Variants in FHAD1 observed in about 807,000 individuals in gnomAD.
The protein encoded by FHAD1 is forkhead-associated domain-containing protein 1.
Under a neutral mutation model 191.3 loss-of-function variants are expected in FHAD1, and 146 were observed. That is an observed-to-expected ratio of 0.76 (90% confidence interval 0.67 to 0.88). FHAD1 has a LOEUF of 0.88. Among genes scored for constraint, FHAD1 ranks in the 40% least tolerant of loss-of-function variants. FHAD1 has a pLI of 0.00. For synonymous variants in FHAD1, 616 were observed against 672.3 expected (o/e 0.92, Z 1.29); for missense variants, 1,635 against 1,785.8 (o/e 0.92, Z 1.52).
At chr1:15,362,525 G>A (rs1416666419) in intron 22 of FHAD1, 117 bp from the exon 23 acceptor site, 3 of 784,368 alleles carry the variant, frequency 3.8e-6, no homozygotes, top group African/African-American at 3.4e-5. Flanking sequence ...GTCTCACAAG[G>A]TGGAGAGGGC....
intron 23 of FHAD1, among the ~76,000 whole-genome samples, 187 bp downstream of exon 23, chr1:15,362,913 A>G (rs1177168079): frequency 2.0e-5 from 3 of 152,196 alleles, no homozygotes; most frequent in East Asian, 1.9e-4. Flanking sequence ...TCAGAAGCCA[A>G]ACAAGGAGCC....
At position 15,251,824 on chromosome 1, in the gene FHAD1, C is replaced by T. The variant is rs899696936; in HGVS notation, c.40C>T (p.Leu14=). The T allele has an allele frequency of 1.3e-6, 2 of 1,551,950 alleles. No individual in the cohort carries two copies. Among genetic ancestry groups the T allele is most frequent in the Admixed American group, 2.0e-5 (1 of 50,960 alleles). ...AAAGAGCGCAGAAGGCTTTTTTGTC[C>T]TAAATAAAAGTACCACAATTGGAAG... ...YLKSAEGFFV[L]NKSTTIGRHE... The change falls in exon 2 of 34, where the codon CTA becomes TTA. Residue 14 remains leucine, a synonymous_variant. Coordinates refer to ENST00000688493, the MANE Select transcript of FHAD1 (RefSeq NM_001391957.1).
chr1:15,293,435 T>C lies in FHAD1; in HGVS notation c.569-3249T>C, dbSNP rs146793426. 7.8e-3 allele frequency among the ~76,000 whole-genome samples: 1,180 copies of C among 152,256 alleles called. 16 individuals are homozygous for C. The highest frequency in any genetic ancestry group is 0.026 in the African/African-American group (1,084 of 41,552). ...GCTGTATGTCTTACAAGTTGTTCCT[T>C]GTGGCCAGGCGCGGTGGCTCATGCC... On this transcript the variant is annotated intron_variant, in intron 4 of 33. Transcript: ENST00000688493.
intron 2 of FHAD1, among the ~76,000 whole-genome samples, chr1:15,252,144 C>T (rs1646860396): frequency 6.6e-6 from 1 of 152,200 alleles, no homozygotes; most frequent in Non-Finnish European, 1.5e-5. Context: ...CATTGCAGAG[C>T]AGATGAGCCC....
intron 2 of FHAD1, among the ~76,000 whole-genome samples, chr1:15,253,955 T>G (rs1389353368): frequency 6.6e-6 from 1 of 152,152 alleles, no homozygotes; most frequent in Non-Finnish European, 1.5e-5. Flanking sequence ...TTTATAGATG[T>G]TCTTTATCAA....
Position 15,329,471 on chromosome 1 carries a change from G to C in FHAD1, c.1836G>C (p.Ala612=), listed in dbSNP as rs764659176. 1 of 1,551,218 alleles carries C rather than the reference G, an allele frequency of 6.4e-7. No individual in the cohort carries two copies. The highest frequency in any genetic ancestry group is 2.0e-5 in the Admixed American group (1 of 51,000). ...QKVVLDVLRH[A]LSWLEEVEQL... is the part of the protein sequence containing the mutation. ...TGGTGCTGGACGTCCTGAGGCACGC[G>C]CTGTCCTGGCTGGAGGAGGTGGAGC... The change falls in exon 14 of 34, where the codon GCG becomes GCC. Residue 612 remains alanine, a synonymous_variant. Coordinates refer to ENST00000688493, the MANE Select transcript of FHAD1 (RefSeq NM_001391957.1). The surrounding 1 kb of genome is among the most constrained non-coding windows in gnomAD (Gnocchi z 5.0).
chr1:15,312,973 G>T lies in FHAD1; in HGVS notation c.1040-84G>T, dbSNP rs1455065583. 1 of 1,508,560 alleles carries T rather than the reference G, an allele frequency of 6.6e-7. No homozygotes were observed. Among genetic ancestry groups the T allele is most frequent in the Non-Finnish European group, 8.9e-7 (1 of 1,119,492 alleles). The allele number at this position is 1,508,560 out of a possible 1,614,324, so 93.4% of individuals were successfully genotyped here. A position where few individuals can be genotyped will look rare whatever the true frequency, so the allele number is the denominator to read the frequency against. ...GAGACACCTCCCTTCTCAGTGCCAG[G>T]CTCGTCACAAACTGGTTGACAGCGG... On this transcript the variant is annotated intron_variant, in intron 7 of 33. Transcript: ENST00000688493. The surrounding 1 kb of genome is among the most constrained non-coding windows in gnomAD (Gnocchi z 4.7).
intron 26 of FHAD1, among the ~76,000 whole-genome samples, chr1:15,373,035 T>C (rs1335828216): frequency 6.6e-6 from 1 of 152,158 alleles, no homozygotes; most frequent in Non-Finnish European, 1.5e-5. Context: ...TAAATCGATG[T>C]GAGATGAATG....
rs113149156 is a variant in FHAD1, at chr1:15,375,086, G to C, written c.3577+455G>C. ...TTGGTCAGGCTGGTCTTGAACTCCTGACCTTGTGATCCACCCGCCTCAGCC... is the reference window on the plus strand; with the variant it reads ...TTGGTCAGGCTGGTCTTGAACTCCTCACCTTGTGATCCACCCGCCTCAGCC... On this transcript the variant is annotated intron_variant, in intron 27 of 33. Coordinates refer to ENST00000688493, the MANE Select transcript of FHAD1 (RefSeq NM_001391957.1). Among the ~76,000 whole-genome samples the C allele has an allele frequency of 6.5e-3, 994 of 152,128 alleles. 12 individuals carry two copies. The highest frequency in any genetic ancestry group is 0.023 in the African/African-American group (943 of 41,508).
chr1:15,249,328 T>C (rs1030811164), intron 1 of FHAD1, among the ~76,000 whole-genome samples: 3 of 151,814 alleles, frequency 2.0e-5, no homozygotes, highest in African/African-American at 7.3e-5. Flanking sequence ...GATTTGGGGT[T>C]TTACTCTGGA....
At chr1:15,266,515 G>A (rs1024186749) in intron 2 of FHAD1, among the ~76,000 whole-genome samples, 1 of 151,382 alleles carries the variant, frequency 6.6e-6, no homozygotes, top group Middle Eastern at 3.4e-3. Context: ...ACATACACAC[G>A]CAGTTTCCCC....
chr1:15,310,324 C>T (rs1288812900), intron 7 of FHAD1, among the ~76,000 whole-genome samples: 1 of 152,208 alleles, frequency 6.6e-6, no homozygotes, highest in Non-Finnish European at 1.5e-5. Flanking sequence ...CCTCCCCACT[C>T]CAGGCTTCTA....
At chr1:15,261,267 G>A (rs896279059) in intron 2 of FHAD1, among the ~76,000 whole-genome samples, 4 of 152,168 alleles carry the variant, frequency 2.6e-5, no homozygotes, top group Non-Finnish European at 5.9e-5. Context: ...TAAGGAGCCT[G>A]CCCAAGGTCA....
rs866608034 is a variant in FHAD1 at position 15,369,431 on chromosome 1, A to G, written c.3376A>G (p.Lys1126Glu). ...NTEKEQKPRKKTQTCDTSVQI... is the reference protein window; with the variant it reads ...NTEKEQKPRKETQTCDTSVQI... ...AGAGAAGGAACAGAAGCCCCGGAAGAAGACCCAGACGTGTGACACCTCTGT... is the reference window on the plus strand; with the variant it reads ...AGAGAAGGAACAGAAGCCCCGGAAGGAGACCCAGACGTGTGACACCTCTGT... Residue 1126 changes from lysine to glutamate, a missense_variant, in exon 26 of 34, where the codon AAG becomes GAG. Transcript: ENST00000688493. The G allele has an allele frequency of 1.3e-6, 2 of 1,551,888 alleles. No homozygotes were observed. The highest frequency in any genetic ancestry group is 3.3e-4 in the Middle Eastern group (2 of 5,992).
chr1:15,345,112 A>G lies in FHAD1; in HGVS notation c.2160A>G (p.Arg720=). Residue 720 remains arginine, a synonymous_variant, in exon 17 of 34, where the codon AGA becomes AGG. Coordinates refer to ENST00000688493, the MANE Select transcript of FHAD1 (RefSeq NM_001391957.1). ...AALEEYITQE[R]NRAKETLEEE... Reference sequence around the variant, plus strand: ...TGGAGGAGTACATTACTCAAGAGAGAAACAGAGCGAAAGAGACTTTAGAGG... The same window carrying G: ...TGGAGGAGTACATTACTCAAGAGAGGAACAGAGCGAAAGAGACTTTAGAGG... 6.4e-7 allele frequency: 1 copy of G among 1,551,858 alleles called. No individual in the cohort carries two copies. Among genetic ancestry groups the G allele is most frequent in the Non-Finnish European group, 8.7e-7 (1 of 1,147,024 alleles).
intron 3 of FHAD1, among the ~76,000 whole-genome samples, chr1:15,273,269 C>A (rs968549790): frequency 6.6e-6 from 1 of 152,086 alleles, no homozygotes; most frequent in Non-Finnish European, 1.5e-5. Context: ...TCAAAAGGGG[C>A]ATTGTTTAAT....
chr1:15,275,703 C>G (rs141412138), intron 3 of FHAD1, among the ~76,000 whole-genome samples: 5 of 152,108 alleles, frequency 3.3e-5, no homozygotes, highest in Non-Finnish European at 7.4e-5. Flanking sequence ...TAGTGAAGAG[C>G]GTCTCTCATC....
chr1:15,388,014 T>C (rs1230242388), intron 31 of FHAD1, 37 bp from the exon 32 acceptor site: 1 of 1,202,398 alleles, frequency 8.3e-7, no homozygotes, highest in East Asian at 5.7e-5. Context: ...CACACTAAGG[T>C]TAGCACTCTC....
intron 28 of FHAD1, 72 bp from the exon 29 acceptor site, chr1:15,380,629 T>C: frequency 1.6e-6 from 2 of 1,213,636 alleles, no homozygotes; most frequent in Non-Finnish European, 2.4e-6. Flanking sequence ...AATCACACAG[T>C]GCTTTAGCTT....
Sources: gnomAD v4.1 joint callset for allele counts (sites outside exome capture counted in the v4.1 genomes callset) on GRCh38, gnomAD v4.1.1 for gene constraint, Gnocchi (gnomAD v3.1) non-coding constraint, MANE v1.5 for transcripts, NCBI Gene and HGNC (gene_info 2026-07-23, HGNC 2026-07-21) for gene names.